Variants in FBXL18 observed in about 807,000 individuals in gnomAD.
FBXL18 encodes F-box/LRR-repeat protein 18.
A neutral mutation model predicts 46.0 loss-of-function variants in FBXL18; 36 were observed. The ratio of observed to expected loss-of-function variants is 0.78; its 90% CI spans 0.60 to 1.03. FBXL18 has a LOEUF of 1.03. FBXL18 is among the 50% of genes least tolerant of loss of function. FBXL18 has a pLI of 0.00. For synonymous variants in FBXL18, 557 were observed against 465.3 expected (o/e 1.20, Z -2.54); for missense variants, 977 against 1,004.1 (o/e 0.97, Z 0.36).
chr7:5,489,262 C>G (rs765598931), intron 4 of FBXL18: 1 of 518,876 alleles, frequency 1.9e-6, no homozygotes, highest in Non-Finnish European at 3.8e-6. Context: ...GATTACAAAA[C>G]AATATGAGAA....
At chr7:5,464,641 C>T (rs1234884476) in intron 4 of FBXL18, among the ~76,000 whole-genome samples, 2 of 118,070 alleles carry the variant, frequency 1.7e-5, no homozygotes, top group East Asian at 5.8e-4. Context: ...CTAGCCTGGG[C>T]CAATGAGCAA....
At chr7:5,475,374 T>C (rs1783492755), downstream of FBXL18, among the ~76,000 whole-genome samples, 1 of 152,172 alleles carries the variant, frequency 6.6e-6, no homozygotes, top group African/African-American at 2.4e-5. The surrounding 1 kb of genome is among the most constrained non-coding windows in gnomAD (Gnocchi z 4.2). Flanking sequence ...TCCACAGCCC[T>C]GAGGGAAAGC....
chr7:5,497,638 A>G (rs1301777260), intron 3 of FBXL18, among the ~76,000 whole-genome samples: 1 of 152,160 alleles, frequency 6.6e-6, no homozygotes, highest in East Asian at 1.9e-4. Flanking sequence ...ACTTCCTGCC[A>G]TGCCTTCTGC....
rs1400547889 is a variant in FBXL18 at position 5,496,502 on chromosome 7, G to T, written c.1781+3986C>A. ...GGTGGCTAAAGGCCACCTATGAGCTGAGGACGCCAAAGCAACTCTCCCAGG... is the reference window on the plus strand; with the variant it reads ...GGTGGCTAAAGGCCACCTATGAGCTTAGGACGCCAAAGCAACTCTCCCAGG... On this transcript the variant is annotated intron_variant, in intron 3 of 4. Transcript: ENST00000382368. The surrounding 1 kb of genome is among the most constrained non-coding windows in gnomAD (Gnocchi z 4.8). Among the ~76,000 whole-genome samples the T allele has an allele frequency of 6.7e-6, 1 of 149,290 alleles. No individual in the cohort carries two copies.
intron 4 of FBXL18, among the ~76,000 whole-genome samples, chr7:5,468,734 G>A (rs1783383003): frequency 6.6e-6 from 1 of 152,100 alleles, no homozygotes; most frequent in African/African-American, 2.4e-5. Context: ...TCAAGTAGCT[G>A]AGACTACAGA....
At chr7:5,471,723 G>T (rs1436600879), downstream of FBXL18, among the ~76,000 whole-genome samples, 2 of 152,150 alleles carry the variant, frequency 1.3e-5, no homozygotes, top group Admixed American at 1.3e-4. Context: ...AAGGCCAGGC[G>T]GCTTCACACA....
intron 4 of FBXL18, among the ~76,000 whole-genome samples, chr7:5,463,443 G>T (rs1211900221): frequency 6.6e-6 from 1 of 151,564 alleles, no homozygotes; most frequent in Non-Finnish European, 1.5e-5. Context: ...AACATAACAA[G>T]ACCTCATCTC....
At chr7:5,511,145 C>A (rs1175156039) in intron 1 of FBXL18, among the ~76,000 whole-genome samples, 1 of 152,082 alleles carries the variant, frequency 6.6e-6, no homozygotes. Context: ...AAAGTAAGAT[C>A]TGAAATCTTG....
downstream of FBXL18, among the ~76,000 whole-genome samples, chr7:5,473,847 G>T (rs938500753): frequency 6.6e-6 from 1 of 151,782 alleles, no homozygotes; most frequent in Non-Finnish European, 1.5e-5. Flanking sequence ...GCTGCTGGAG[G>T]GTAATAGTGC....
At chr7:5,500,094 TA>T (rs35585441) in intron 3 of FBXL18, among the ~76,000 whole-genome samples, 7 of 140,370 alleles carry the variant, frequency 5.0e-5, no homozygotes, top group Non-Finnish European at 9.1e-5. Flanking sequence ...AAATTTAAAT[TA>T]AAAAAAAAAA....
rs367864903 is a variant in FBXL18, at chr7:5,490,678, T to C, written c.2000+553A>G. On this transcript the variant is annotated intron_variant, in intron 4 of 4. Coordinates refer to ENST00000382368, the MANE Select transcript of FBXL18 (RefSeq NM_024963.6). ...GTGAAAAATCCAGAGTTAAAGATGG[T>C]TGCAGGCTGGGTGCGGTGGCTCATG... Among the ~76,000 whole-genome samples, 6 of 152,170 alleles carry C rather than the reference T, an allele frequency of 3.9e-5. No individual in the cohort carries two copies. The East Asian group carries it at 1.2e-3, about 29-fold the overall frequency.
chr7:5,472,600 G>A (rs1014138826), downstream of FBXL18, among the ~76,000 whole-genome samples: 1 of 152,086 alleles, frequency 6.6e-6, no homozygotes, highest in African/African-American at 2.4e-5. Flanking sequence ...GAGGTCTCAT[G>A]GAGAGGCCAC....
rs1784536752 is a variant in FBXL18, at chr7:5,511,666, G to T, written c.18+1991C>A. Reference sequence around the variant, plus strand: ...GCCTGTAGTCCCAGCTACTTGAGAGGCCGAGGCAGAAGAATGGTGTGAACC... The same window carrying T: ...GCCTGTAGTCCCAGCTACTTGAGAGTCCGAGGCAGAAGAATGGTGTGAACC... On this transcript the variant is annotated intron_variant, in intron 1 of 4. Transcript: ENST00000382368. Among the ~76,000 whole-genome samples the T allele has an allele frequency of 2.0e-5, 3 of 151,566 alleles. No individual in the cohort carries two copies. The South Asian group carries it at 6.3e-4, about 32-fold the overall frequency.
intron 4 of FBXL18, among the ~76,000 whole-genome samples, chr7:5,463,937 C>T (rs1194003778): frequency 6.6e-6 from 1 of 151,012 alleles, no homozygotes; most frequent in Admixed American, 6.6e-5. Context: ...GACGGGGTTT[C>T]GCCATGTTGG....
intron 3 of FBXL18, 125 bp downstream of exon 3, chr7:5,500,362 CT>C: frequency 2.4e-6 from 2 of 850,260 alleles, no homozygotes; most frequent in South Asian, 3.4e-5. Flanking sequence ...ACGTGGCACG[CT>C]GCGAGGCCCC....
In FBXL18 at chr7:5,497,502, C is replaced by T. The variant is rs1274258865; in HGVS notation, c.1781+2986G>A. ...GTCCTGGGTTTGATCCTGCGCTTCT[C>T]AACCCAACACTAACAGGTCTGCAGT... is the stretch of plus-strand genomic sequence containing the variant. On this transcript the variant is annotated intron_variant, in intron 3 of 4. Coordinates refer to ENST00000382368, the MANE Select transcript of FBXL18 (RefSeq NM_024963.6). Among the ~76,000 whole-genome samples, 3 of 152,194 alleles carry T rather than the reference C, an allele frequency of 2.0e-5. No individual in the cohort carries two copies. The East Asian group carries it at 5.8e-4, about 29-fold the overall frequency.
At position 5,497,899 on chromosome 7, in the gene FBXL18, C is replaced by T. The variant is rs546567903; in HGVS notation, c.1781+2589G>A. Among the ~76,000 whole-genome samples the T allele has an allele frequency of 1.1e-3, 168 of 152,126 alleles. 1 individual carries two copies. The highest frequency in any genetic ancestry group is 6.7e-3 in the South Asian group (32 of 4,812). ...GGGACAATGACACGTGCCCACGTGC[C>T]CCTTAGGCTGGAGCATGACTTCATG... On this transcript the variant is annotated intron_variant, in intron 3 of 4. Coordinates refer to ENST00000382368, the MANE Select transcript of FBXL18 (RefSeq NM_024963.6).
rs1335775578 is a variant in FBXL18 at position 5,479,937 on chromosome 7, A to C, written c.*1838T>G. 1 of 152,430 alleles carries C rather than the reference A, an allele frequency of 6.6e-6. No individual in the cohort carries two copies. Among genetic ancestry groups the C allele is most frequent in the African/African-American group, 2.4e-5 (1 of 41,446 alleles). 9.4% of individuals were successfully genotyped at this position (152,430 alleles called of 1,614,324 possible). ...AACCCCAGATCCACCTGTGCCAGTGAGCAGAGGCGCCAGGGTGGGGTCAAG... is the reference window on the plus strand; with the variant it reads ...AACCCCAGATCCACCTGTGCCAGTGCGCAGAGGCGCCAGGGTGGGGTCAAG... On this transcript the variant is annotated 3_prime_UTR_variant, in exon 5 of 5. Transcript: ENST00000382368.
intron 3 of FBXL18, among the ~76,000 whole-genome samples, chr7:5,497,621 C>A (rs1323654703): frequency 6.6e-6 from 1 of 152,190 alleles, no homozygotes; most frequent in Non-Finnish European, 1.5e-5. Context: ...CCCGAGCAGA[C>A]CCGGCCACTT....
Sources: allele counts gnomAD v4.1 joint callset (sites outside exome capture counted in the v4.1 genomes callset), GRCh38; gene constraint gnomAD v4.1.1; non-coding constraint Gnocchi (gnomAD v3.1); transcripts MANE v1.5; gene names NCBI Gene and HGNC (gene_info 2026-07-23, HGNC 2026-07-21).